USP8: variants seen among roughly 807,000 people sequenced by gnomAD.
The protein encoded by USP8 is ubiquitin carboxyl-terminal hydrolase 8.
A neutral mutation model predicts 130.0 loss-of-function variants in USP8; 27 were observed. That is an observed-to-expected ratio of 0.21 (90% CI 0.15 to 0.29). The LOEUF is 0.29. Ranked by LOEUF, USP8 falls within the 10% of genes least tolerant of loss-of-function variation. The pLI is 1.00. For missense variants in USP8, 1,029 were observed against 1,312.2 expected (o/e 0.78, Z 3.33); for synonymous variants, 392 against 444.1 (o/e 0.88, Z 1.48).
At chr15:50,442,453 CA>C (rs1025536941) in intron 3 of USP8, among the ~76,000 whole-genome samples, 28 of 151,934 alleles carry the variant, frequency 1.8e-4, no homozygotes, top group Admixed American at 3.9e-4. Flanking sequence ...TAGAAACTAG[CA>C]AAAGAATGCT....
chr15:50,457,947 A>T (rs1343542705), intron 4 of USP8, among the ~76,000 whole-genome samples: 3 of 152,140 alleles, frequency 2.0e-5, no homozygotes, highest in Non-Finnish European at 4.4e-5. Flanking sequence ...ATAAAATGGA[A>T]ACTATTGATT....
At chr15:50,427,256 G>A (rs1472195354) in intron 1 of USP8, among the ~76,000 whole-genome samples, 2 of 151,960 alleles carry the variant, frequency 1.3e-5, no homozygotes, top group East Asian at 1.9e-4. Context: ...TTCTTTAACC[G>A]TAATACTTTA....
rs575643256 is a variant in USP8, at chr15:50,475,309, AAATC to A, written c.850-1539_850-1536del. 1.5e-3 allele frequency among the ~76,000 whole-genome samples: 232 copies of A among 152,318 alleles called. 2 individuals carry two copies. The highest frequency in any genetic ancestry group is 5.1e-3 in the African/African-American group (211 of 41,568). ...AAATAGTTAAGTCATAGAACAATAT[AAATC>A]CATAGTAAATAAATGAAAAAATGTC... is the stretch of plus-strand genomic sequence containing the variant. On this transcript the variant is annotated intron_variant, in intron 8 of 19. Coordinates refer to ENST00000307179, the MANE Select transcript of USP8 (RefSeq NM_005154.5).
chr15:50,456,068 A>G (rs959939721), intron 4 of USP8, among the ~76,000 whole-genome samples: 1 of 152,216 alleles, frequency 6.6e-6, no homozygotes, highest in African/African-American at 2.4e-5. Flanking sequence ...TAGGTTACCC[A>G]GAGTTTATAG....
intron 10 of USP8, 125 bp from the exon 11 acceptor site, chr15:50,481,356 A>T (rs2051761283): frequency 4.7e-6 from 3 of 639,504 alleles, no homozygotes; most frequent in Non-Finnish European, 2.4e-6. Flanking sequence ...GTAATTAACA[A>T]ATAGATGTGC....
At chr15:50,466,139 T>C (rs2051180352) in intron 7 of USP8, among the ~76,000 whole-genome samples, 1 of 152,218 alleles carries the variant, frequency 6.6e-6, no homozygotes, top group African/African-American at 2.4e-5. Context: ...ATTTTCACTA[T>C]TTCGAGCATT....
At chr15:50,442,002 G>C (rs1170395222) in intron 3 of USP8, among the ~76,000 whole-genome samples, 1 of 116,966 alleles carries the variant, frequency 8.5e-6, no homozygotes, top group Non-Finnish European at 1.7e-5. Flanking sequence ...TTGAGACGGA[G>C]TTTCACTCTT....
At chr15:50,444,304 C>T (rs1053838345) in intron 3 of USP8, among the ~76,000 whole-genome samples, 3 of 151,438 alleles carry the variant, frequency 2.0e-5, no homozygotes, top group Admixed American at 6.6e-5. Flanking sequence ...AGGGTTTCAC[C>T]GTGTTGGTCA....
chr15:50,485,557 T>TTTTTTTTTTTTTTTTTTTTTTTTTG (rs2051930858), intron 12 of USP8, among the ~76,000 whole-genome samples: 1 of 122,860 alleles, frequency 8.1e-6, no homozygotes, highest in Non-Finnish European at 1.7e-5. Flanking sequence ...GTGATTTTTT[T>TTTTTTTTTTTTTTTTTTTTTTTTTG]TTTTTTTTTT....
intron 18 of USP8, chr15:50,498,354 C>T (rs2052493667): frequency 4.8e-6 from 2 of 413,454 alleles, no homozygotes; most frequent in Non-Finnish European, 8.5e-6. Context: ...TATAGTCCTA[C>T]CTCTACCATT....
At chr15:50,460,514 G>A (rs1432821963) in intron 5 of USP8, among the ~76,000 whole-genome samples, 1 of 151,700 alleles carries the variant, frequency 6.6e-6, no homozygotes, top group African/African-American at 2.4e-5. Context: ...TCACCATATT[G>A]GCCAGGCTGT....
chr15:50,469,675 G>A (rs562635494), intron 7 of USP8, among the ~76,000 whole-genome samples: 2 of 152,100 alleles, frequency 1.3e-5, no homozygotes, highest in South Asian at 4.2e-4. Flanking sequence ...GGTTTTACTT[G>A]TGGATAAAAG....
In USP8 at chr15:50,513,253, G is replaced by A. The variant is rs2052761133; in HGVS notation, c.*14165G>A. ...CTTATGCACATATATATGCAGGAAT[G>A]TCTGCATAATGTTGTTCATGCCAGC... On this transcript the variant is annotated 3_prime_UTR_variant, in exon 20 of 20. Transcript: ENST00000307179. The A allele has an allele frequency of 2.0e-5, 3 of 152,120 alleles. No homozygotes were observed. Among genetic ancestry groups the A allele is most frequent in the Admixed American group, 2.0e-4 (3 of 15,270 alleles). 9.4% of individuals were successfully genotyped at this position (152,120 alleles called of 1,614,324 possible). A position where few individuals can be genotyped will look rare whatever the true frequency, so the allele number is the denominator to read the frequency against.
At chr15:50,448,739 T>G (rs2050518624) in intron 3 of USP8, among the ~76,000 whole-genome samples, 1 of 152,038 alleles carries the variant, frequency 6.6e-6, no homozygotes, top group Non-Finnish European at 1.5e-5. Context: ...GGGCTGGTCT[T>G]GACCTCCTGT....
At position 50,494,155 on chromosome 15, in the gene USP8, A is replaced by G. The variant is rs774465850; in HGVS notation, c.2533A>G (p.Ile845Val). The change falls in exon 16 of 20, where the codon ATC becomes GTC. Residue 845 changes from isoleucine (I) to valine (V), a missense_variant. Transcript: ENST00000307179. The part of the protein sequence containing the change: ...KALWTGQYRY[I>V]SPKDFKITIG... The stretch of plus-strand genomic sequence containing the variant: ...CCTGTGGACAGGACAGTATAGATAT[A>G]TCAGTCCAAAGGACTTTAAAATCAC... 7 of 1,613,102 alleles carry G rather than the reference A, an allele frequency of 4.3e-6. No individual in the cohort carries two copies. In the South Asian group the frequency reaches 5.5e-5, roughly 13 times the overall value.
In USP8 at chr15:50,477,433, T is replaced by G; in HGVS notation, c.1152T>G (p.Val384=). 1 of 1,614,186 alleles carries G rather than the reference T, an allele frequency of 6.2e-7. No individual in the cohort carries two copies. The highest frequency in any genetic ancestry group is 8.5e-7 in the Non-Finnish European group (1 of 1,180,032). ...ATATATCAACTCCAGTTGAACCAGT[T>G]GCTGCTTCTAAATCTGATGTTTCAC... ...PLNISTPVEP[V]AASKSDVSPI... The change falls in exon 10 of 20, where the codon GTT becomes GTG. Residue 384 remains valine, a synonymous_variant. Coordinates refer to ENST00000307179, the MANE Select transcript of USP8 (RefSeq NM_005154.5).
rs1224152359 is a variant in USP8, at chr15:50,503,894, A to G, written c.*4806A>G. The G allele has an allele frequency of 6.6e-6, 1 of 152,158 alleles. No individual in the cohort carries two copies. Among genetic ancestry groups the G allele is most frequent in the Non-Finnish European group, 1.5e-5 (1 of 68,044 alleles). The allele number at this position is 152,158 out of a possible 1,614,324, so 9.4% of individuals were successfully genotyped here. ...AGAGTCAGAAGGCAATAAGATTTAA[A>G]CCCCCAAGGACTTTAGATAATAGAA... On this transcript the variant is annotated 3_prime_UTR_variant, in exon 20 of 20. Transcript: ENST00000307179.
chr15:50,445,053 C>T (rs1258295025), intron 3 of USP8, among the ~76,000 whole-genome samples: 2 of 152,096 alleles, frequency 1.3e-5, no homozygotes, highest in African/African-American at 4.8e-5. Flanking sequence ...CCACCTTGCC[C>T]AGTTGCAGAA....
At chr15:50,489,233 C>G (rs2141315565) in intron 12 of USP8, among the ~76,000 whole-genome samples, 1 of 152,140 alleles carries the variant, frequency 6.6e-6, no homozygotes, top group African/African-American at 2.4e-5. Context: ...GTTAGGAGAG[C>G]AAGATGACTT....
Sources: allele counts gnomAD v4.1 joint callset (sites outside exome capture counted in the v4.1 genomes callset), GRCh38; gene constraint gnomAD v4.1.1; transcripts MANE v1.5; gene names NCBI Gene and HGNC (gene_info 2026-07-23, HGNC 2026-07-21).